Variants in AFG2A observed in about 807,000 individuals in gnomAD.
AFG2A encodes the protein AAA ATPase AFG2A, also known as ATPase family gene 2 protein homolog A.
chr4:123,168,304 A>G, the AFG2A span, among the ~76,000 whole-genome samples: 2 of 152,174 alleles, frequency 1.3e-5, no homozygotes, highest in Non-Finnish European at 2.9e-5. Context: ...GAGATGCTTG[A>G]CATGTTACTT....
chr4:122,926,803 T>G, the AFG2A span, among the ~76,000 whole-genome samples: 1 of 152,358 alleles, frequency 6.6e-6, no homozygotes, highest in African/African-American at 2.4e-5. Flanking sequence ...ATTTATTCAT[T>G]TTATGGCTAT....
At chr4:123,188,087 TTTCA>T in the AFG2A span, among the ~76,000 whole-genome samples, 1 of 152,122 alleles carries the variant, frequency 6.6e-6, no homozygotes, top group Non-Finnish European at 1.5e-5. Flanking sequence ...AAGTGTGCTC[TTTCA>T]TTCTTAATCT....
At chr4:123,043,865 C>T in the AFG2A span, among the ~76,000 whole-genome samples, 1 of 152,172 alleles carries the variant, frequency 6.6e-6, no homozygotes, top group Non-Finnish European at 1.5e-5. Flanking sequence ...AAAGCTTTTG[C>T]TCACTTTCTC....
At chr4:123,115,995 G>GA in the AFG2A span, among the ~76,000 whole-genome samples, 1 of 152,064 alleles carries the variant, frequency 6.6e-6, no homozygotes, top group Admixed American at 6.6e-5. Flanking sequence ...GACCTCATGG[G>GA]CTCAGGTGAT....
chr4:123,020,822 GA>G, the AFG2A span, among the ~76,000 whole-genome samples: 2 of 152,158 alleles, frequency 1.3e-5, no homozygotes, highest in African/African-American at 4.8e-5. Flanking sequence ...GTTGTGCCAT[GA>G]ATCTTTGAAG....
the AFG2A span, among the ~76,000 whole-genome samples, chr4:123,058,767 A>G: frequency 6.6e-6 from 1 of 151,988 alleles, no homozygotes; most frequent in African/African-American, 2.4e-5. Context: ...GGGGGCTACA[A>G]TTCAAGATGA....
chr4:123,303,257 T>G, the AFG2A span, among the ~76,000 whole-genome samples: 1 of 152,194 alleles, frequency 6.6e-6, no homozygotes, highest in African/African-American at 2.4e-5. Flanking sequence ...TTTTATAAAT[T>G]TTTAAAAAAC....
chr4:123,285,606 C>T, the AFG2A span, among the ~76,000 whole-genome samples: 811 of 152,226 alleles, frequency 5.3e-3, 7 homozygotes, highest in African/African-American at 0.018. Flanking sequence ...ACCACCAGTA[C>T]ATCTCTTCAC....
chr4:123,180,998 T>A, the AFG2A span, among the ~76,000 whole-genome samples: 18 of 147,664 alleles, frequency 1.2e-4, no homozygotes, highest in African/African-American at 4.4e-4. Flanking sequence ...TTTTTTTTTT[T>A]ATTTGAGACG....
At chr4:123,153,055 T>A in the AFG2A span, among the ~76,000 whole-genome samples, 2 of 152,268 alleles carry the variant, frequency 1.3e-5, no homozygotes, top group Admixed American at 6.5e-5. Context: ...ATTACTTTTG[T>A]CATTCAGATA....
the AFG2A span, among the ~76,000 whole-genome samples, chr4:123,276,694 G>A: frequency 6.6e-6 from 1 of 152,080 alleles, no homozygotes; most frequent in Non-Finnish European, 1.5e-5. Flanking sequence ...TCAATCTTCT[G>A]TACATGACTA....
the AFG2A span, among the ~76,000 whole-genome samples, chr4:123,142,858 A>T: frequency 1.3e-5 from 2 of 152,156 alleles, no homozygotes; most frequent in East Asian, 3.8e-4. Context: ...GAGATAATTT[A>T]TACGAATCAT....
the AFG2A span, among the ~76,000 whole-genome samples, chr4:123,170,590 G>GA: frequency 2.0e-5 from 3 of 151,840 alleles, no homozygotes; most frequent in Non-Finnish European, 4.4e-5. Context: ...AAGGTAGAAA[G>GA]AAAAAAAGTT....
At chr4:123,111,521 T>G in the AFG2A span, among the ~76,000 whole-genome samples, 5,857 of 152,264 alleles carry the variant, frequency 0.038, 231 homozygotes, top group African/African-American at 0.1. Flanking sequence ...AAGTTTTGTA[T>G]TATACTTAAG....
the AFG2A span, among the ~76,000 whole-genome samples, chr4:123,009,125 G>A: frequency 2.0e-5 from 3 of 152,278 alleles, no homozygotes; most frequent in East Asian, 1.9e-4. Context: ...CATGGGTAAC[G>A]TCCAGAAGAA....
the AFG2A span, among the ~76,000 whole-genome samples, chr4:123,247,910 G>A: frequency 3.5e-4 from 54 of 152,260 alleles, no homozygotes; most frequent in Non-Finnish European, 6.6e-4. Flanking sequence ...ACTTAATTTG[G>A]TAATTATTGT....
chr4:122,950,776 CAATAGGG>C, the AFG2A span, among the ~76,000 whole-genome samples: 1 of 152,202 alleles, frequency 6.6e-6, no homozygotes, highest in Non-Finnish European at 1.5e-5. Flanking sequence ...GGCAGCCATC[CAATAGGG>C]GCAAAGATCC....
the AFG2A span, among the ~76,000 whole-genome samples, chr4:123,225,195 T>G: frequency 6.6e-6 from 1 of 152,260 alleles, no homozygotes; most frequent in Non-Finnish European, 1.5e-5. Flanking sequence ...TCTTTTGCTG[T>G]GCAGAAGTTC....
chr4:123,126,847 G>T, the AFG2A span, among the ~76,000 whole-genome samples: 24 of 152,238 alleles, frequency 1.6e-4, no homozygotes, highest in African/African-American at 5.8e-4. Flanking sequence ...GCATGAGAAG[G>T]AACTAATACA....
Sources: gnomAD v4.1 joint callset for allele counts (sites outside exome capture counted in the v4.1 genomes callset) on GRCh38, gnomAD v4.1.1 for gene constraint, MANE v1.5 for transcripts, NCBI Gene and HGNC (gene_info 2026-07-23, HGNC 2026-07-21) for gene names.